Variants in KIAA1549 observed in about 807,000 individuals in gnomAD.
KIAA1549 encodes the protein UPF0606 protein KIAA1549.
Under a neutral mutation model 156.4 loss-of-function variants are expected in KIAA1549, and 70 were observed. The ratio of observed to expected loss-of-function variants is 0.45; its 90% CI spans 0.37 to 0.55. The LOEUF (loss-of-function observed/expected upper bound fraction) is 0.55, where lower values mean the gene tolerates loss of function less well. Among genes scored for constraint, KIAA1549 ranks in the 20% least tolerant of loss-of-function variants. KIAA1549 has a pLI of 0.00. For missense variants in KIAA1549, 2,428 were observed against 2,540.9 expected, an observed-to-expected ratio of 0.96 and a Z score of 0.96; for synonymous variants, 1,103 against 1,066.4, an observed-to-expected ratio of 1.03 and a Z score of -0.67.
intron 1 of KIAA1549, among the ~76,000 whole-genome samples, chr7:138,973,315 A>G (rs1178761267): frequency 1.3e-5 from 2 of 152,210 alleles, no homozygotes; most frequent in Non-Finnish European, 2.9e-5. Context: ...CACCTGTTTC[A>G]GTAGAGCTGG....
intron 1 of KIAA1549, among the ~76,000 whole-genome samples, chr7:138,973,788 G>A (rs1814293497): frequency 6.6e-6 from 1 of 152,160 alleles, no homozygotes; most frequent in African/African-American, 2.4e-5. Flanking sequence ...GAGACTACAG[G>A]TGCATGCCAC....
rs1198964456 is a variant in KIAA1549, at chr7:138,874,241, T to C, written c.4346-2879A>G. ...TCCTGCCTTAAGGCTAGTAGGAACT[T>C]GGGATTAAAACCCCTTTCTCTTCAA... On this transcript the variant is annotated intron_variant, in intron 12 of 19. Transcript: ENST00000422774. Among the ~76,000 whole-genome samples, 9 of 151,920 alleles carry C rather than the reference T, an allele frequency of 5.9e-5. 1 individual carries two copies. In the South Asian group the frequency reaches 1.9e-3, roughly 32 times the overall value.
At chr7:138,928,114 G>C (rs1421378224) in intron 1 of KIAA1549, among the ~76,000 whole-genome samples, 1 of 150,044 alleles carries the variant, frequency 6.7e-6, no homozygotes, top group Non-Finnish European at 1.5e-5. Flanking sequence ...GTGGAGACGG[G>C]GTTTCACAGT....
chr7:138,953,766 A>G (rs1483567213), intron 1 of KIAA1549, among the ~76,000 whole-genome samples: 1 of 152,234 alleles, frequency 6.6e-6, no homozygotes, highest in Non-Finnish European at 1.5e-5. Context: ...TCTATCTTCC[A>G]TACAATACAA....
At chr7:138,901,199 A>G (rs889115178) in intron 8 of KIAA1549, among the ~76,000 whole-genome samples, 5 of 152,236 alleles carry the variant, frequency 3.3e-5, no homozygotes, top group African/African-American at 1.2e-4. Flanking sequence ...AAATCACCTA[A>G]AATTCAACCA....
At chr7:138,878,331 C>T (rs1811144890) in intron 12 of KIAA1549, among the ~76,000 whole-genome samples, 1 of 152,216 alleles carries the variant, frequency 6.6e-6, no homozygotes, top group South Asian at 2.1e-4. Context: ...CGCGAGGCCA[C>T]AAGCGTGTCA....
chr7:138,911,428 G>T, intron 3 of KIAA1549, 105 bp from the exon 4 acceptor site: 1 of 825,264 alleles, frequency 1.2e-6, no homozygotes, highest in Non-Finnish European at 1.9e-6. Context: ...TTGAATGAAG[G>T]GGTAGTGCAT....
At position 138,868,012 on chromosome 7, in the gene KIAA1549, G is replaced by A. The variant is rs2130378806; in HGVS notation, c.4892C>T (p.Pro1631Leu). The A allele has an allele frequency of 6.2e-7, 1 of 1,613,990 alleles. No individual in the cohort carries two copies. ...GTAGGCTGAGTTGTGGACGCCGGGG[G>A]GCCTCCTGTAGGTGCCATCGCTGTC... is the stretch of plus-strand genomic sequence containing the variant. ...TTDSDGTYRR[P>L]PGVHNSAYIG... Residue 1631 changes from proline (P) to leucine (L), a missense_variant, in exon 15 of 20, where the codon CCC (proline) becomes CTC (leucine). Physicochemically the swap from Pro to Leu is moderately conservative, Grantham distance 98. Around this residue, in one of 5 missense-constraint regions of KIAA1549, gnomAD observed 404 missense variants for 417.0 expected, o/e 0.97. Transcript: ENST00000422774.
At chr7:138,888,838 T>C (rs745402535) in intron 10 of KIAA1549, among the ~76,000 whole-genome samples, 16 of 152,248 alleles carry the variant, frequency 1.1e-4, no homozygotes, top group Non-Finnish European at 1.9e-4. Context: ...AATCCATCTA[T>C]ATAATTCTCA....
At position 138,918,001 on chromosome 7, in the gene KIAA1549, G is replaced by A. The variant is rs370053133; in HGVS notation, c.1625C>T (p.Ser542Phe). The stretch of plus-strand genomic sequence containing the variant: ...TGGCGTCACTTGGGTTTCAGCAACA[G>A]ACAAGGAGCCAGCAGTAGGATCAAG... ...ASLDPTAGSL[S>F]VAETQVTPSS... is the part of the protein sequence containing the mutation. The change falls in exon 2 of 20, where the codon TCT becomes TTT. Residue 542 changes from serine (S) to phenylalanine (F), a missense_variant. Physicochemically the swap from Ser to Phe is radical, Grantham distance 155 (BLOSUM62 -2). Transcript: ENST00000422774. This position sits in a 1 kb window ranked among gnomAD's most constrained non-coding sequence, Gnocchi z 4.2. 1 of 1,601,386 alleles carries A rather than the reference G, an allele frequency of 6.2e-7. No individual in the cohort carries two copies. The highest frequency in any genetic ancestry group is 8.5e-7 in the Non-Finnish European group (1 of 1,173,932).
chr7:138,927,130 CCTT>C (rs1224915537), intron 1 of KIAA1549, among the ~76,000 whole-genome samples: 4 of 152,136 alleles, frequency 2.6e-5, no homozygotes, highest in Admixed American at 1.3e-4. Context: ...TAATCTATGT[CCTT>C]TTTTGTACAT....
chr7:138,891,216 A>T (rs1193695336), intron 10 of KIAA1549, among the ~76,000 whole-genome samples: 1 of 152,248 alleles, frequency 6.6e-6, no homozygotes, highest in Non-Finnish European at 1.5e-5. Flanking sequence ...CTCACAGCAA[A>T]TGCTCAATGT....
chr7:138,873,191 A>G (rs762588189), intron 12 of KIAA1549, among the ~76,000 whole-genome samples: 15 of 152,226 alleles, frequency 9.9e-5, no homozygotes, highest in Non-Finnish European at 1.0e-4. Flanking sequence ...TTTTCTCTCA[A>G]TTTGAATTAC....
At chr7:138,884,210 A>AC (rs1398943407) in intron 10 of KIAA1549, among the ~76,000 whole-genome samples, 2 of 151,784 alleles carry the variant, frequency 1.3e-5, no homozygotes, top group Non-Finnish European at 2.9e-5. Context: ...GGAAGGTAGC[A>AC]CCCCCACGGA....
chr7:138,867,414 G>C (rs568007925), intron 15 of KIAA1549, among the ~76,000 whole-genome samples: 2 of 152,044 alleles, frequency 1.3e-5, no homozygotes, highest in Non-Finnish European at 2.9e-5. Context: ...AATTAGCTGG[G>C]CATGGTGGCA....
At chr7:138,901,025 T>G (rs1811826303) in intron 8 of KIAA1549, among the ~76,000 whole-genome samples, 1 of 152,254 alleles carries the variant, frequency 6.6e-6, no homozygotes, top group Non-Finnish European at 1.5e-5. Context: ...CTACTGCCTA[T>G]GAGATTCCTA....
In KIAA1549 at chr7:138,945,137, C is replaced by A. The variant is rs567490697; in HGVS notation, c.188-25699G>T. Among the ~76,000 whole-genome samples, 23 of 152,290 alleles carry A rather than the reference C, an allele frequency of 1.5e-4. No homozygotes were observed. In the South Asian group the frequency reaches 3.3e-3, roughly 22 times the overall value. On this transcript the variant is annotated intron_variant, in intron 1 of 19. Transcript: ENST00000422774. The stretch of plus-strand genomic sequence containing the variant: ...TTTTCTAAAGTTCACTTATTTTCTA[C>A]CAGTATAGTGTCTCTCACAGAGGAG...
At chr7:138,925,821 T>C (rs143302097) in intron 1 of KIAA1549, among the ~76,000 whole-genome samples, 3,318 of 97,066 alleles carry the variant, frequency 0.034, 71 homozygotes, top group Admixed American at 0.085. Context: ...CAGAGCCAGA[T>C]CCTGTCTCAA....
chr7:138,908,263 C>T (rs149966052), intron 5 of KIAA1549, among the ~76,000 whole-genome samples: 1,795 of 151,976 alleles, frequency 0.012, 26 homozygotes, highest in Middle Eastern at 0.024. Context: ...AAACAGAAGA[C>T]GCATTTTAAC....
Sources: gnomAD v4.1 joint callset for allele counts (sites outside exome capture counted in the v4.1 genomes callset) on GRCh38, gnomAD v4.1.1 for gene constraint, gnomAD v4.1.1 regional missense constraint, Gnocchi (gnomAD v3.1) non-coding constraint, MANE v1.5 for transcripts, NCBI Gene and HGNC (gene_info 2026-07-23, HGNC 2026-07-21) for gene names.